The following RUNX3 variants were observed in gnomAD, a reference collection of about 807,000 sequenced individuals.
The protein encoded by RUNX3 is runt-related transcription factor 3.
A neutral mutation model predicts 27.7 loss-of-function variants in RUNX3; 10 were observed. The observed-to-expected ratio is 0.36, with a 90% CI of 0.22 to 0.61. RUNX3 has a LOEUF of 0.61. Ranked by LOEUF, RUNX3 falls within the 20% of genes least tolerant of loss-of-function variation. The pLI is 0.72. For missense variants in RUNX3, 469 were observed against 629.5 expected (o/e 0.75, Z 2.73); for synonymous variants, 270 against 269.2 (o/e 1.00, Z -0.03).
chr1:24,912,315 A>C (rs1410517164), intron 3 of RUNX3, among the ~76,000 whole-genome samples: 1 of 152,198 alleles, frequency 6.6e-6, no homozygotes, highest in East Asian at 1.9e-4. Context: ...AAAGAAAAGA[A>C]GGCAGGGCTG....
intron 2 of RUNX3, among the ~76,000 whole-genome samples, chr1:24,922,199 T>C (rs542731977): frequency 3.3e-5 from 5 of 150,710 alleles, no homozygotes; most frequent in Admixed American, 1.3e-4. Context: ...TTCTTTCTTT[T>C]TTTTTTTTTT....
chr1:24,906,483 C>T (rs1347821392), intron 4 of RUNX3, among the ~76,000 whole-genome samples: 1 of 152,242 alleles, frequency 6.6e-6, no homozygotes, highest in Admixed American at 6.5e-5. Context: ...TGCACACAGC[C>T]TCCCATGTCC....
chr1:24,941,462 G>A (rs977295097), intron 2 of RUNX3, among the ~76,000 whole-genome samples: 12 of 152,176 alleles, frequency 7.9e-5, no homozygotes, highest in African/African-American at 2.9e-4. Context: ...TTTGTATTAG[G>A]TACATTTATC....
At chr1:24,953,820 C>G (rs189619825) in intron 2 of RUNX3, among the ~76,000 whole-genome samples, 4 of 152,200 alleles carry the variant, frequency 2.6e-5, no homozygotes, top group South Asian at 4.1e-4. Flanking sequence ...TCCAACTATT[C>G]CGAAATCTGA....
intron 3 of RUNX3, among the ~76,000 whole-genome samples, chr1:24,917,316 C>T (rs543330199): frequency 1.3e-5 from 2 of 152,306 alleles, no homozygotes; most frequent in South Asian, 4.1e-4. Flanking sequence ...AGACTTGATA[C>T]CTGCACCTCT....
rs1640614895 is a variant in RUNX3, at chr1:24,904,007, T to C, written c.704-1341A>G. ...AGGCCACTGTGGCTGTGGTGTCTCTTACTCTGGGTACCCAGGAGAACTGGC... is the reference window on the plus strand; with the variant it reads ...AGGCCACTGTGGCTGTGGTGTCTCTCACTCTGGGTACCCAGGAGAACTGGC... On this transcript the variant is annotated intron_variant, in intron 4 of 4. Transcript: ENST00000308873. The surrounding 1 kb of genome is among the most constrained non-coding windows in gnomAD (Gnocchi z 5.7). Among the ~76,000 whole-genome samples the C allele has an allele frequency of 6.6e-6, 1 of 152,158 alleles. No individual in the cohort carries two copies. The highest frequency in any genetic ancestry group is 1.5e-5 in the Non-Finnish European group (1 of 68,024).
chr1:24,908,283 C>T (rs1016681793), intron 3 of RUNX3, among the ~76,000 whole-genome samples: 4 of 151,142 alleles, frequency 2.6e-5, no homozygotes, highest in Non-Finnish European at 4.4e-5. Flanking sequence ...CAAACCTCTA[C>T]GACATGTGGT....
chr1:24,902,076 GGTT>G lies in RUNX3; in HGVS notation c.*43_*45del. 1 of 1,456,694 alleles carries G rather than the reference GGTT, an allele frequency of 6.9e-7. No individual in the cohort carries two copies. Among genetic ancestry groups the G allele is most frequent in the Non-Finnish European group, 9.1e-7 (1 of 1,099,982 alleles). 90.2% of individuals were successfully genotyped at this position (1,456,694 alleles called of 1,614,324 possible). A position where few individuals can be genotyped will look rare whatever the true frequency, so the allele number is the denominator to read the frequency against. The stretch of plus-strand genomic sequence containing the variant: ...GAGCCGGCCCATCACTGGTCTTGAA[GGTT>G]GTTAGGGTCCCCGCCTCCAGCGGGA... On this transcript the variant is annotated 3_prime_UTR_variant, in exon 5 of 5. Transcript: ENST00000308873. This position sits in a 1 kb window ranked among gnomAD's most constrained non-coding sequence, Gnocchi z 9.2.
intron 2 of RUNX3, among the ~76,000 whole-genome samples, chr1:24,942,174 A>AG (rs150569080): frequency 2.6e-5 from 4 of 151,966 alleles, no homozygotes; most frequent in Admixed American, 1.3e-4. Flanking sequence ...AGCTTAGATG[A>AG]GGGGGGGAGA....
At position 24,902,404 on chromosome 1, in the gene RUNX3, G is replaced by A. The variant is rs763495062; in HGVS notation, c.966C>T (p.Pro322=). ...YPGAPQNQSG[P]FQANPSPYHL... The stretch of plus-strand genomic sequence containing the variant: ...GGTAGGGGGACGGGTTGGCCTGGAA[G>A]GGCCCGCTCTGGTTCTGCGGGGCCC... The change falls in exon 5 of 5, where the codon CCC becomes CCT. Residue 322 remains proline (P), a synonymous_variant. Transcript: ENST00000308873. The surrounding 1 kb of genome is among the most constrained non-coding windows in gnomAD (Gnocchi z 9.2). 22 of 1,612,514 alleles carry A rather than the reference G, an allele frequency of 1.4e-5. No homozygotes were observed. The highest frequency in any genetic ancestry group is 1.9e-5 in the Non-Finnish European group (22 of 1,179,650).
chr1:24,903,886 A>T (rs1482102401), intron 4 of RUNX3, among the ~76,000 whole-genome samples: 3 of 152,206 alleles, frequency 2.0e-5, no homozygotes, highest in Non-Finnish European at 2.9e-5. Flanking sequence ...CCCCATATAA[A>T]ACATGAGACG....
chr1:24,963,635 G>T (rs547047964), intron 2 of RUNX3, among the ~76,000 whole-genome samples: 1 of 152,286 alleles, frequency 6.6e-6, no homozygotes, highest in Admixed American at 6.5e-5. Flanking sequence ...TGAGCTCAGG[G>T]ACTCTTGATC....
chr1:24,945,871 T>C (rs142802081), intron 2 of RUNX3, among the ~76,000 whole-genome samples: 28 of 152,280 alleles, frequency 1.8e-4, no homozygotes, highest in African/African-American at 6.5e-4. Flanking sequence ...TGGCCCCCTC[T>C]CTTTCCCCTC....
Position 24,956,063 on chromosome 1 carries a change from C to T in RUNX3, c.58+8451G>A, listed in dbSNP as rs544933922. ...AGCACCTACTGTATGCATGGCTCTG[C>T]GCAGCCCGGGGCAGACCCTTGCTCC... On this transcript the variant is annotated intron_variant, in intron 2 of 6. Transcript: ENST00000338888. 2.1e-4 allele frequency among the ~76,000 whole-genome samples: 32 copies of T among 152,378 alleles called. 1 individual carries two copies. The South Asian group carries it at 6.0e-3, about 29-fold the overall frequency.
chr1:24,952,092 A>G (rs1376492019), intron 2 of RUNX3, among the ~76,000 whole-genome samples: 1 of 152,218 alleles, frequency 6.6e-6, no homozygotes, highest in African/African-American at 2.4e-5. Flanking sequence ...GTCATAATTT[A>G]TATTTTCTAG....
In RUNX3 at chr1:24,960,468, T is replaced by C. The variant is rs1642078065; in HGVS notation, c.58+4046A>G. On this transcript the variant is annotated intron_variant, in intron 2 of 6. Coordinates refer to the RUNX3 transcript ENST00000338888. ...GGAATCTCGATACTCTACACCTCGA[T>C]AAGTTTTTGGGAAATGACTGACTAA... Among the ~76,000 whole-genome samples, 4 of 152,180 alleles carry C rather than the reference T, an allele frequency of 2.6e-5. 1 individual carries two copies. In the South Asian group the frequency reaches 8.3e-4, roughly 31 times the overall value.
chr1:24,918,582 TTCATTCAG>T lies in RUNX3; in HGVS notation c.544+650_544+657del, dbSNP rs1260217402. ...TGGCTCTATTTCATTCATTCATTCA[TTCATTCAG>T]TCAGTCAGTCAGTCAGTCATTCATT... On this transcript the variant is annotated intron_variant, in intron 3 of 4. Transcript: ENST00000308873. Among the ~76,000 whole-genome samples the T allele has an allele frequency of 1.0e-3, 153 of 151,896 alleles. 1 individual carries two copies. Among genetic ancestry groups the T allele is most frequent in the African/African-American group, 3.5e-3 (146 of 41,316 alleles).
At chr1:24,963,865 CA>C (rs1356812282) in intron 2 of RUNX3, among the ~76,000 whole-genome samples, 1 of 152,172 alleles carries the variant, frequency 6.6e-6, no homozygotes, top group African/African-American at 2.4e-5. Context: ...CTGCAGCCAC[CA>C]AAAAAGGCAA....
chr1:24,929,063 G>A (rs1215633528), intron 1 of RUNX3: 2 of 457,628 alleles, frequency 4.4e-6, no homozygotes, highest in Non-Finnish European at 8.8e-6. Context: ...TAATATCCCC[G>A]AGCAAACGTC....
Sources: allele counts gnomAD v4.1 joint callset (sites outside exome capture counted in the v4.1 genomes callset), GRCh38; gene constraint gnomAD v4.1.1; non-coding constraint Gnocchi (gnomAD v3.1); transcripts MANE v1.5; gene names NCBI Gene and HGNC (gene_info 2026-07-23, HGNC 2026-07-21).